Variants in XKR9 observed in about 807,000 individuals in gnomAD.
XKR9 encodes XK related 9, also known as XK-related protein 9.
Under a neutral mutation model 32.0 loss-of-function variants are expected in XKR9, and 32 were observed. The observed-to-expected ratio is 1.00, with a 90% confidence interval of 0.76 to 1.34. The LOEUF (loss-of-function observed/expected upper bound fraction) is 1.34, where lower values mean the gene tolerates loss of function less well. Ranked by LOEUF, XKR9 falls within the 40% of genes most tolerant of loss-of-function variation. The pLI is 0.00. For missense variants in XKR9, 546 were observed against 429.7 expected (o/e 1.27, Z -2.39); for synonymous variants, 168 against 143.4 (o/e 1.17, Z -1.22).
the XKR9 span, among the ~76,000 whole-genome samples, chr8:70,844,711 G>C: frequency 6.6e-6 from 1 of 152,240 alleles, no homozygotes; most frequent in Non-Finnish European, 1.5e-5. Context: ...CCAGTGGACT[G>C]AGCATGGGCC....
chr8:70,862,596 A>G, the XKR9 span, among the ~76,000 whole-genome samples: 1 of 134,662 alleles, frequency 7.4e-6, no homozygotes, highest in Non-Finnish European at 1.6e-5. Flanking sequence ...TTTAATAAAA[A>G]GAACTTTAAT....
chr8:71,030,880 A>G, the XKR9 span, among the ~76,000 whole-genome samples: 7 of 152,174 alleles, frequency 4.6e-5, no homozygotes, highest in Non-Finnish European at 1.0e-4. Flanking sequence ...TGAATTCCCA[A>G]TATCTGTAAT....
At chr8:71,006,630 A>G in the XKR9 span, among the ~76,000 whole-genome samples, 4 of 152,166 alleles carry the variant, frequency 2.6e-5, no homozygotes, top group Non-Finnish European at 5.9e-5. Context: ...ACATTAATCA[A>G]CTTATTTTTA....
At chr8:70,949,402 AGTAT>A in the XKR9 span, among the ~76,000 whole-genome samples, 1 of 152,164 alleles carries the variant, frequency 6.6e-6, no homozygotes, top group African/African-American at 2.4e-5. Flanking sequence ...ATGAAGATTT[AGTAT>A]GCTTTAGATT....
At chr8:70,778,589 G>C (rs1359987991) in intron 2 of XKR9, among the ~76,000 whole-genome samples, 2 of 152,178 alleles carry the variant, frequency 1.3e-5, no homozygotes, top group East Asian at 3.8e-4. Context: ...AGCATGGAAT[G>C]TTCTTCCATT....
chr8:70,867,347 G>A, the XKR9 span, among the ~76,000 whole-genome samples: 1 of 152,134 alleles, frequency 6.6e-6, no homozygotes, highest in African/African-American at 2.4e-5. Context: ...TTTGGGTGGG[G>A]ACACAGCCAA....
chr8:70,883,499 T>C, the XKR9 span, among the ~76,000 whole-genome samples: 1 of 152,130 alleles, frequency 6.6e-6, no homozygotes, highest in East Asian at 1.9e-4. Flanking sequence ...TACCCAGTAG[T>C]GGGATTGCTA....
At chr8:70,739,871 C>G (rs1806939346), downstream of XKR9, among the ~76,000 whole-genome samples, 1 of 152,142 alleles carries the variant, frequency 6.6e-6, no homozygotes, top group Non-Finnish European at 1.5e-5. Context: ...TTGTGGGTAA[C>G]CCAACCTTTC....
chr8:70,856,784 C>G, the XKR9 span, among the ~76,000 whole-genome samples: 1 of 152,184 alleles, frequency 6.6e-6, no homozygotes, highest in Non-Finnish European at 1.5e-5. Flanking sequence ...TCTCAGACCA[C>G]AGCACAATCA....
chr8:70,731,381 A>G (rs1346078103), intron 4 of XKR9, among the ~76,000 whole-genome samples: 2 of 152,078 alleles, frequency 1.3e-5, no homozygotes, highest in African/African-American at 4.8e-5. Context: ...AGCTTCCAGA[A>G]GAATGGAGCA....
intron 2 of XKR9, among the ~76,000 whole-genome samples, chr8:70,749,818 C>T (rs73684543): frequency 0.073 from 11,056 of 152,258 alleles, 475 homozygotes; most frequent in Non-Finnish European, 0.089. Flanking sequence ...ATCACTGTGA[C>T]TATAAGACAA....
the XKR9 span, among the ~76,000 whole-genome samples, chr8:70,898,560 T>C: frequency 7.5e-4 from 114 of 152,322 alleles, no homozygotes; most frequent in African/African-American, 2.5e-3. Flanking sequence ...CTAATTTTCT[T>C]TGAGACTTCC....
In XKR9 at chr8:70,768,977, C is replaced by T. The variant is rs537074659; in HGVS notation, n.353-20362C>T. ...TGAATTTGATGCTGTCATCATGATG[C>T]GAACTGGTTATTTTGCACATTAGTT... On this transcript the variant is annotated intron_variant and non_coding_transcript_variant, in intron 2 of 3. Coordinates refer to the XKR9 transcript ENST00000520273. Among the ~76,000 whole-genome samples, 41 of 152,078 alleles carry T rather than the reference C, an allele frequency of 2.7e-4. 1 individual carries two copies. The highest frequency in any genetic ancestry group is 1.4e-3 in the Admixed American group (21 of 15,250).
chr8:70,758,092 G>T (rs1231453711), intron 2 of XKR9, among the ~76,000 whole-genome samples: 1 of 151,994 alleles, frequency 6.6e-6, no homozygotes, highest in Non-Finnish European at 1.5e-5. Flanking sequence ...CCTGGGACTG[G>T]TTATTGTTAG....
the XKR9 span, among the ~76,000 whole-genome samples, chr8:71,018,222 G>A: frequency 6.6e-6 from 1 of 152,116 alleles, no homozygotes; most frequent in African/African-American, 2.4e-5. Context: ...GCTAGTGTGA[G>A]TATACAAAAA....
At chr8:70,743,619 T>A (rs116706950) in intron 2 of XKR9, among the ~76,000 whole-genome samples, 1 of 152,206 alleles carries the variant, frequency 6.6e-6, no homozygotes, top group African/African-American at 2.4e-5. Context: ...CTGCATCGAG[T>A]CTTCCCCTTA....
At chr8:70,733,301 C>A (rs952345817) in intron 4 of XKR9, among the ~76,000 whole-genome samples, 4 of 151,840 alleles carry the variant, frequency 2.6e-5, no homozygotes, top group Non-Finnish European at 5.9e-5. Flanking sequence ...CTGTTTAACC[C>A]TCTTTCTCTC....
chr8:70,845,930 C>A, the XKR9 span, among the ~76,000 whole-genome samples: 2 of 152,036 alleles, frequency 1.3e-5, no homozygotes, highest in African/African-American at 4.8e-5. Context: ...AAGATTTAGA[C>A]ATACAATTAT....
chr8:70,727,759 C>T (rs549675632), intron 4 of XKR9, among the ~76,000 whole-genome samples: 2 of 151,772 alleles, frequency 1.3e-5, no homozygotes, highest in South Asian at 2.1e-4. Context: ...CTGGGAGTGC[C>T]GATTGGTCAG....
Sources: gnomAD v4.1 joint callset for allele counts (sites outside exome capture counted in the v4.1 genomes callset) on GRCh38, gnomAD v4.1.1 for gene constraint, MANE v1.5 for transcripts, NCBI Gene and HGNC (gene_info 2026-07-23, HGNC 2026-07-21) for gene names.